BSN: variants seen among roughly 807,000 people sequenced by gnomAD.
The protein encoded by BSN is protein bassoon.
BSN carries 57 observed loss-of-function variants against 264.8 expected under a neutral mutation model. That is an observed-to-expected ratio of 0.22 (90% CI 0.17 to 0.27). BSN has a LOEUF of 0.27. BSN is among the 10% of genes least tolerant of loss of function. The pLI, the probability that BSN is intolerant of heterozygous loss-of-function variation, is 1.00. For missense variants in BSN, 4,615 were observed against 5,232.5 expected (o/e 0.88, Z 3.64); for synonymous variants, 2,059 against 2,137.3 (o/e 0.96, Z 1.01).
chr3:49,622,534 G>A (rs1397451406), intron 1 of BSN, among the ~76,000 whole-genome samples: 1 of 152,162 alleles, frequency 6.6e-6, no homozygotes, highest in Non-Finnish European at 1.5e-5. Flanking sequence ...TATATAGATT[G>A]CCTGCTACTT....
Position 49,654,089 on chromosome 3 carries a change from A to T in BSN, c.4533A>T (p.Pro1511=). 6.2e-7 allele frequency: 1 copy of T among 1,613,992 alleles called. No individual in the cohort carries two copies. Among genetic ancestry groups the T allele is most frequent in the Non-Finnish European group, 8.5e-7 (1 of 1,179,996 alleles). Residue 1511 remains proline (P), a synonymous_variant, in exon 5 of 12, where the codon CCA becomes CCT. Coordinates refer to ENST00000296452, the MANE Select transcript of BSN (RefSeq NM_003458.4). The surrounding 1 kb of genome is among the most constrained non-coding windows in gnomAD (Gnocchi z 4.1). The part of the protein sequence containing the change: ...TAEFSTQTPS[P]APASDMPRSP... ...AGTTCTCTACACAGACGCCAAGTCC[A>T]GCCCCTGCCTCAGACATGCCACGGA...
At chr3:49,627,291 C>T (rs1230068484) in intron 2 of BSN, among the ~76,000 whole-genome samples, 1 of 152,132 alleles carries the variant, frequency 6.6e-6, no homozygotes, top group Non-Finnish European at 1.5e-5. Flanking sequence ...CCATGGCACC[C>T]AGTTTGGGAA....
In BSN at chr3:49,625,686, A is replaced by G. The variant is rs1371984316; in HGVS notation, c.633+303A>G. The stretch of plus-strand genomic sequence containing the variant: ...AAAATGGCCTTCGAGAGGACCAAAG[A>G]CAATCTTATGAACAATTTTTCCCAA... On this transcript the variant is annotated intron_variant, in intron 2 of 11. Coordinates refer to ENST00000296452, the MANE Select transcript of BSN (RefSeq NM_003458.4). This position sits in a 1 kb window ranked among gnomAD's most constrained non-coding sequence, Gnocchi z 4.4. 6.6e-6 allele frequency among the ~76,000 whole-genome samples: 1 copy of G among 152,236 alleles called. No individual in the cohort carries two copies. Among genetic ancestry groups the G allele is most frequent in the Non-Finnish European group, 1.5e-5 (1 of 68,040 alleles).
chr3:49,589,614 C>T (rs1318741917), intron 1 of BSN, among the ~76,000 whole-genome samples: 1 of 149,484 alleles, frequency 6.7e-6, no homozygotes, highest in Non-Finnish European at 1.5e-5. Context: ...TCAAGCGATT[C>T]TCCTGCCTCA....
At chr3:49,580,884 A>G (rs914559582) in intron 1 of BSN, among the ~76,000 whole-genome samples, 2 of 152,128 alleles carry the variant, frequency 1.3e-5, no homozygotes, top group Non-Finnish European at 2.9e-5. Context: ...TTGTGCAACC[A>G]TCACCACTAT....
chr3:49,610,356 G>T (rs1559604695), intron 1 of BSN, among the ~76,000 whole-genome samples: 1 of 152,078 alleles, frequency 6.6e-6, no homozygotes, highest in Non-Finnish European at 1.5e-5. Context: ...TTCTAGGCGG[G>T]TGGATCACCT....
intron 1 of BSN, among the ~76,000 whole-genome samples, chr3:49,579,107 C>T (rs1375313436): frequency 6.6e-6 from 1 of 151,848 alleles, no homozygotes; most frequent in African/African-American, 2.4e-5. Flanking sequence ...CCCACCTCAG[C>T]CTCCCAAGCA....
intron 1 of BSN, among the ~76,000 whole-genome samples, chr3:49,561,866 G>A (rs545928709): frequency 6.6e-6 from 1 of 151,914 alleles, no homozygotes. Context: ...GGAGTGCAGT[G>A]GCGTGATCTC....
rs1034768464 is a variant in BSN at position 49,554,509 on chromosome 3, G to T, written c.-94G>T. Reference sequence around the variant, plus strand: ...GGCGCGAGCCGAGCTGGGAGATGGCGGCGGCAGCGGCGGCGCCGAGAGTGT... The same window carrying T: ...GGCGCGAGCCGAGCTGGGAGATGGCTGCGGCAGCGGCGGCGCCGAGAGTGT... On this transcript the variant is annotated 5_prime_UTR_variant, in exon 1 of 12. Coordinates refer to ENST00000296452, the MANE Select transcript of BSN (RefSeq NM_003458.4). 1.8e-5 allele frequency: 6 copies of T among 338,644 alleles called. No homozygotes were observed. Among genetic ancestry groups the T allele is most frequent in the African/African-American group, 2.2e-5 (1 of 44,612 alleles). The allele number at this position is 338,644 out of a possible 1,614,324, so 21.0% of individuals were successfully genotyped here.
chr3:49,659,851 C>T (rs1170951298), intron 5 of BSN, among the ~76,000 whole-genome samples: 1 of 152,130 alleles, frequency 6.6e-6, no homozygotes, highest in Admixed American at 6.5e-5. Context: ...AAGAGCACAG[C>T]CCAGAGGGTT....
At chr3:49,593,429 G>A (rs952862390) in intron 1 of BSN, among the ~76,000 whole-genome samples, 1 of 152,128 alleles carries the variant, frequency 6.6e-6, no homozygotes, top group Non-Finnish European at 1.5e-5. Flanking sequence ...AAATAAAATC[G>A]CTGGGTCATT....
In BSN at chr3:49,668,147, A is replaced by G. The variant is rs1348541484; in HGVS notation, c.*662A>G. 2.0e-5 allele frequency: 3 copies of G among 152,600 alleles called. No individual in the cohort carries two copies. Among genetic ancestry groups the G allele is most frequent in the Non-Finnish European group, 4.4e-5 (3 of 68,034 alleles). The allele number at this position is 152,600 out of a possible 1,614,324, so 9.5% of individuals were successfully genotyped here. A position where few individuals can be genotyped will look rare whatever the true frequency, so the allele number is the denominator to read the frequency against. ...AAACATTAGGACCTAACACTGTCTC[A>G]TCGCTGAAATAAGAGGCCATAGCAC... is the stretch of plus-strand genomic sequence containing the variant. On this transcript the variant is annotated 3_prime_UTR_variant, in exon 12 of 12. Transcript: ENST00000296452.
rs372833875 is a variant in BSN, at chr3:49,631,293, C to A, written c.633+5910C>A. 1.3e-3 allele frequency among the ~76,000 whole-genome samples: 197 copies of A among 152,080 alleles called. 8 individuals are homozygous for A. The South Asian group carries it at 0.04, about 31-fold the overall frequency. ...GGGGGTAGTTGGGCATGGTGGCTCA[C>A]ACCTGTAATCCCAACACTTTGAGCA... On this transcript the variant is annotated intron_variant, in intron 2 of 11. Coordinates refer to ENST00000296452, the MANE Select transcript of BSN (RefSeq NM_003458.4).
Position 49,655,818 on chromosome 3 carries a change from G to A in BSN, c.6262G>A (p.Ala2088Thr). 1 of 1,613,378 alleles carries A rather than the reference G, an allele frequency of 6.2e-7. No homozygotes were observed. Among genetic ancestry groups the A allele is most frequent in the Non-Finnish European group, 8.5e-7 (1 of 1,180,022 alleles). Reference protein sequence around the residue: ...DAVGFQEASLAQYSATTAREI... With the variant: ...DAVGFQEASLTQYSATTAREI... ...AGTTGGCTTCCAGGAGGCCAGCCTG[G>A]CCCAGTACAGTGCCACCACAGCCCG... The change falls in exon 5 of 12, where the codon GCC becomes ACC. Residue 2088 changes from alanine (A) to threonine (T), a missense_variant. By Grantham distance (58) the Ala-to-Thr change is moderately conservative. Transcript: ENST00000296452.
chr3:49,655,835 C>G lies in BSN; in HGVS notation c.6279C>G (p.Thr2093=), dbSNP rs1575449739. Residue 2093 remains threonine, a synonymous_variant, in exon 5 of 12, where the codon ACC becomes ACG. Coordinates refer to ENST00000296452, the MANE Select transcript of BSN (RefSeq NM_003458.4). ...QEASLAQYSA[T]TAREISRMCA... ...CCAGCCTGGCCCAGTACAGTGCCACCACAGCCCGTGAAATCAGTCGCATGT... is the reference window on the plus strand; with the variant it reads ...CCAGCCTGGCCCAGTACAGTGCCACGACAGCCCGTGAAATCAGTCGCATGT... 1 of 1,613,376 alleles carries G rather than the reference C, an allele frequency of 6.2e-7. No homozygotes were observed.
intron 1 of BSN, among the ~76,000 whole-genome samples, chr3:49,595,224 C>T (rs2052013076): frequency 8.2e-6 from 1 of 121,704 alleles, no homozygotes. Context: ...TGGAGTTTTG[C>T]TCTTGTTGCC....
chr3:49,578,168 A>G (rs968888979), intron 1 of BSN, among the ~76,000 whole-genome samples: 4 of 152,080 alleles, frequency 2.6e-5, no homozygotes, highest in East Asian at 1.9e-4. Flanking sequence ...AGGCTCGGCT[A>G]TCCTTTTCTT....
chr3:49,579,361 A>G (rs1455652693), intron 1 of BSN, among the ~76,000 whole-genome samples: 3 of 151,958 alleles, frequency 2.0e-5, no homozygotes, highest in Admixed American at 6.6e-5. Flanking sequence ...CCATTTATCA[A>G]TAAGTATGAT....
intron 1 of BSN, among the ~76,000 whole-genome samples, chr3:49,567,659 T>C (rs908989843): frequency 6.6e-6 from 1 of 152,234 alleles, no homozygotes; most frequent in Non-Finnish European, 1.5e-5. Flanking sequence ...GTCAAGCAAT[T>C]CATGGTTAAG....
Sources: allele counts gnomAD v4.1 joint callset (sites outside exome capture counted in the v4.1 genomes callset), GRCh38; gene constraint gnomAD v4.1.1; non-coding constraint Gnocchi (gnomAD v3.1); transcripts MANE v1.5; gene names NCBI Gene and HGNC (gene_info 2026-07-23, HGNC 2026-07-21).